TRIQK: variants seen among roughly 807,000 people sequenced by gnomAD.
TRIQK encodes triple QxxK/R motif-containing protein.
Under a neutral mutation model 10.8 loss-of-function variants are expected in TRIQK, and 10 were observed. That is an observed-to-expected ratio of 0.92 (90% CI 0.57 to 1.57). The LOEUF is 1.57. Among genes scored for constraint, TRIQK ranks in the 40% most tolerant of loss-of-function variants. The probability of loss-of-function intolerance (pLI) is 0.00; values close to 1 mark genes in which losing one functional copy is unlikely to be tolerated. For missense variants in TRIQK, 107 were observed against 97.7 expected, an observed-to-expected ratio of 1.09 and a Z score of -0.40; for synonymous variants, 33 against 33.7, an observed-to-expected ratio of 0.98 and a Z score of 0.07.
intron 3 of TRIQK, among the ~76,000 whole-genome samples, chr8:92,894,555 C>T (rs1586371789): frequency 6.6e-6 from 1 of 151,972 alleles, no homozygotes; most frequent in Non-Finnish European, 1.5e-5. Flanking sequence ...ACCAAAGTAG[C>T]TATTTGACAG....
chr8:92,889,605 G>A (rs1816661568), intron 4 of TRIQK, among the ~76,000 whole-genome samples: 1 of 151,562 alleles, frequency 6.6e-6, no homozygotes, highest in Admixed American at 6.6e-5. Context: ...CACTGAAGGA[G>A]AGACTTACTT....
In TRIQK at chr8:93,012,317, C is replaced by T. The variant is rs555199527; in HGVS notation, c.-181+5292G>A. On this transcript the variant is annotated intron_variant, in intron 1 of 4. Coordinates refer to the TRIQK transcript ENST00000520686. ...AACATCATACATTTAACCAAATACACAGAAAATGTCTTTGTTGATGATCAG... is the reference window on the plus strand; with the variant it reads ...AACATCATACATTTAACCAAATACATAGAAAATGTCTTTGTTGATGATCAG... 2.0e-5 allele frequency among the ~76,000 whole-genome samples: 3 copies of T among 152,246 alleles called. No individual in the cohort carries two copies. In the South Asian group the frequency reaches 6.2e-4, roughly 32 times the overall value.
In TRIQK at chr8:92,953,562, A is replaced by G. The variant is rs567679118; in HGVS notation, c.-22+844T>C. 23 of 152,136 alleles carry G rather than the reference A, an allele frequency of 1.5e-4. 1 individual carries two copies. The highest frequency in any genetic ancestry group is 1.2e-3 in the Admixed American group (19 of 15,240). 9.4% of individuals were successfully genotyped at this position (152,136 alleles called of 1,614,324 possible). On this transcript the variant is annotated intron_variant, in intron 2 of 4. Transcript: ENST00000521988. ...AGAAAAGTAAGGAAATTGGTCATAC[A>G]ATTGCTATATATGGATGAAGAGCAA...
chr8:92,977,163 G>A (rs1478943376), intron 1 of TRIQK, among the ~76,000 whole-genome samples: 2 of 151,966 alleles, frequency 1.3e-5, no homozygotes, highest in African/African-American at 2.4e-5. Context: ...TGTATGAAGT[G>A]TGCTTTCTGG....
intron 1 of TRIQK, among the ~76,000 whole-genome samples, chr8:93,016,644 G>T (rs891693706): frequency 1.3e-5 from 2 of 152,148 alleles, no homozygotes; most frequent in African/African-American, 4.8e-5. Flanking sequence ...GAAAGGCAAG[G>T]CATGATGAAG....
intron 1 of TRIQK, among the ~76,000 whole-genome samples, chr8:92,987,694 A>G (rs1563673233): frequency 6.6e-6 from 1 of 152,178 alleles, no homozygotes; most frequent in Non-Finnish European, 1.5e-5. Context: ...AATGATTATT[A>G]GAAAAATTAT....
intron 2 of TRIQK, among the ~76,000 whole-genome samples, chr8:92,930,423 A>G (rs542650863): frequency 2.2e-4 from 33 of 151,270 alleles, no homozygotes; most frequent in African/African-American, 7.0e-4. Context: ...AAAGATTACA[A>G]TAATATGATA....
At chr8:92,989,325 G>C (rs1813069225) in intron 1 of TRIQK, among the ~76,000 whole-genome samples, 1 of 152,162 alleles carries the variant, frequency 6.6e-6, no homozygotes, top group South Asian at 2.1e-4. Flanking sequence ...CCATGGACTA[G>C]TACCAGTCCG....
chr8:93,005,778 T>C (rs1169256742), intron 1 of TRIQK, among the ~76,000 whole-genome samples: 1 of 152,076 alleles, frequency 6.6e-6, no homozygotes, highest in Non-Finnish European at 1.5e-5. Context: ...CACACTTCTA[T>C]TCAACATTGT....
At chr8:92,921,269 G>A (rs745531647) in intron 2 of TRIQK, 1 of 151,438 alleles carries the variant, frequency 6.6e-6, no homozygotes, top group Non-Finnish European at 1.5e-5. Flanking sequence ...AGATGTTTAG[G>A]TTCTCTCTAT....
At chr8:92,962,508 G>C (rs1812512738) in intron 1 of TRIQK, among the ~76,000 whole-genome samples, 2 of 152,064 alleles carry the variant, frequency 1.3e-5, no homozygotes, top group African/African-American at 4.8e-5. Flanking sequence ...TGAACTTCAG[G>C]ATCCCAAAAG....
intron 2 of TRIQK, chr8:92,922,164 A>T (rs1467360864): frequency 6.6e-6 from 1 of 151,784 alleles, no homozygotes; most frequent in East Asian, 1.9e-4. Flanking sequence ...TCAAGACAGC[A>T]CCTAATTCTA....
intron 1 of TRIQK, among the ~76,000 whole-genome samples, chr8:93,010,988 G>A (rs571575561): frequency 9.9e-5 from 15 of 151,966 alleles, no homozygotes; most frequent in Non-Finnish European, 2.1e-4. Context: ...AATTCCACAC[G>A]CACTTTGAAG....
intron 2 of TRIQK, among the ~76,000 whole-genome samples, chr8:92,936,768 T>G (rs1427107026): frequency 6.6e-6 from 1 of 151,624 alleles, no homozygotes; most frequent in Non-Finnish European, 1.5e-5. Context: ...GACAAATATT[T>G]GAATCTGTAT....
chr8:92,992,394 A>G (rs1047792526), intron 1 of TRIQK, among the ~76,000 whole-genome samples: 3 of 152,190 alleles, frequency 2.0e-5, no homozygotes, highest in African/African-American at 7.2e-5. Context: ...GTAACAAACA[A>G]TATCAGTCTA....
At chr8:92,943,767 A>G (rs890935803) in intron 2 of TRIQK, among the ~76,000 whole-genome samples, 2 of 152,328 alleles carry the variant, frequency 1.3e-5, no homozygotes, top group Middle Eastern at 3.4e-3. Flanking sequence ...TATTGGACAC[A>G]CATTGGATTG....
chr8:92,924,038 A>G (rs936762456), intron 2 of TRIQK, among the ~76,000 whole-genome samples: 1 of 152,034 alleles, frequency 6.6e-6, no homozygotes, highest in Non-Finnish European at 1.5e-5. Flanking sequence ...TGTCCACAGA[A>G]AAAATAATTA....
At position 92,919,556 on chromosome 8, in the gene TRIQK, T is replaced by G. The variant is rs138158163; in HGVS notation, c.-21-2546A>C. Among the ~76,000 whole-genome samples the G allele has an allele frequency of 5.3e-5, 8 of 151,976 alleles. No individual in the cohort carries two copies. The East Asian group carries it at 1.5e-3, about 29-fold the overall frequency. On this transcript the variant is annotated intron_variant, in intron 2 of 4. Coordinates refer to ENST00000521988, the MANE Select transcript of TRIQK (RefSeq NM_001171797.2). ...TTTGGTTTGTAGTGTTTTGTTGAGA[T>G]TTTTACATCTATGTTCATCAGCGAT...
At chr8:92,949,374 A>C (rs1026006180) in intron 2 of TRIQK, among the ~76,000 whole-genome samples, 1 of 152,148 alleles carries the variant, frequency 6.6e-6, no homozygotes, top group South Asian at 2.1e-4. Context: ...TACCTATCTC[A>C]CATGGCTATG....
Sources: gnomAD v4.1 joint callset for allele counts (sites outside exome capture counted in the v4.1 genomes callset) on GRCh38, gnomAD v4.1.1 for gene constraint, MANE v1.5 for transcripts, NCBI Gene and HGNC (gene_info 2026-07-23, HGNC 2026-07-21) for gene names.